ADAMTS12: variants seen among roughly 807,000 people sequenced by gnomAD.
ADAMTS12 encodes ADAM metallopeptidase with thrombospondin type 1 motif 12.
ADAMTS12 carries 118 observed loss-of-function variants against 167.8 expected under a neutral mutation model. The ratio of observed to expected loss-of-function variants is 0.70; its 90% confidence interval spans 0.61 to 0.82. The LOEUF is 0.82. Ranked by LOEUF, ADAMTS12 falls within the 40% of genes least tolerant of loss-of-function variation. The pLI, the probability that ADAMTS12 is intolerant of heterozygous loss-of-function variation, is 0.00. For missense variants in ADAMTS12, 1,916 were observed against 1,998.8 expected (o/e 0.96, Z 0.79); for synonymous variants, 704 against 716.9 (o/e 0.98, Z 0.29).
chr5:33,577,587 T>G (rs1350119576), intron 18 of ADAMTS12, among the ~76,000 whole-genome samples: 1 of 152,214 alleles, frequency 6.6e-6, no homozygotes, highest in East Asian at 1.9e-4. Context: ...AAATTCGGTA[T>G]AAGGAACCTT....
At chr5:33,775,096 T>G (rs1206959527) in intron 2 of ADAMTS12, among the ~76,000 whole-genome samples, 1 of 152,164 alleles carries the variant, frequency 6.6e-6, no homozygotes, top group African/African-American at 2.4e-5. Context: ...AAAGTCAATG[T>G]GACAGTGTTT....
chr5:33,836,713 G>T (rs1748541525), intron 2 of ADAMTS12, among the ~76,000 whole-genome samples: 1 of 152,124 alleles, frequency 6.6e-6, no homozygotes, highest in Non-Finnish European at 1.5e-5. Flanking sequence ...TGGCAGGGAA[G>T]CTGAGAACTG....
At chr5:33,595,008 A>G (rs549041590) in intron 17 of ADAMTS12, among the ~76,000 whole-genome samples, 2 of 152,298 alleles carry the variant, frequency 1.3e-5, no homozygotes, top group East Asian at 3.9e-4. Context: ...TGGACTCTGC[A>G]ACATAAATAC....
chr5:33,671,362 CTA>C (rs1741684543), intron 5 of ADAMTS12, among the ~76,000 whole-genome samples: 1 of 152,078 alleles, frequency 6.6e-6, no homozygotes, highest in South Asian at 2.1e-4. Context: ...AATTGTTGGA[CTA>C]TCACATTCTG....
intron 13 of ADAMTS12, 122 bp downstream of exon 13, chr5:33,630,658 T>C (rs1054764030): frequency 3.7e-6 from 4 of 1,069,200 alleles, no homozygotes; most frequent in Non-Finnish European, 5.3e-6. Context: ...TTTCATGAAC[T>C]ATATATAAAA....
chr5:33,705,961 T>G (rs1364019224), intron 3 of ADAMTS12, among the ~76,000 whole-genome samples: 1 of 152,000 alleles, frequency 6.6e-6, no homozygotes, highest in East Asian at 1.9e-4. Flanking sequence ...AAAACACTTA[T>G]GAAAGAAACT....
At chr5:33,845,354 C>T (rs190529837) in intron 2 of ADAMTS12, among the ~76,000 whole-genome samples, 1 of 152,244 alleles carries the variant, frequency 6.6e-6, no homozygotes, top group African/African-American at 2.4e-5. Flanking sequence ...TCCCAGAAAG[C>T]AAGAGCATAC....
intron 2 of ADAMTS12, among the ~76,000 whole-genome samples, chr5:33,859,294 T>C (rs561669085): frequency 3.5e-4 from 54 of 152,300 alleles, no homozygotes; most frequent in African/African-American, 1.3e-3. Context: ...CAGTCTGAAG[T>C]TGATCCGGGA....
intron 2 of ADAMTS12, among the ~76,000 whole-genome samples, chr5:33,848,222 A>G (rs1334539966): frequency 1.3e-5 from 2 of 152,082 alleles, no homozygotes; most frequent in Non-Finnish European, 2.9e-5. Context: ...GTTTAAAAAA[A>G]AAAAAAAGTG....
At chr5:33,685,758 T>C (rs10062990) in intron 3 of ADAMTS12, among the ~76,000 whole-genome samples, 76,022 of 152,020 alleles carry the variant, frequency 0.5, 20,261 homozygotes, top group East Asian at 0.75. Flanking sequence ...GCTGGAACCA[T>C]TTTCTAGTTT....
intron 6 of ADAMTS12, among the ~76,000 whole-genome samples, chr5:33,659,985 G>A (rs112510403): frequency 0.021 from 3,272 of 152,298 alleles, 136 homozygotes; most frequent in African/African-American, 0.075. Flanking sequence ...GAGCTTGGAG[G>A]AGAGTGCTAC....
At chr5:33,824,064 G>A (rs912641285) in intron 2 of ADAMTS12, among the ~76,000 whole-genome samples, 1 of 152,138 alleles carries the variant, frequency 6.6e-6, no homozygotes, top group South Asian at 2.1e-4. Context: ...AATTGTTAAA[G>A]AGTCCCAAGC....
rs34219097 is a variant in ADAMTS12, at chr5:33,654,874, TTGTGTGTGTGTGTGTG to T, written c.1190+3294_1190+3309del. On this transcript the variant is annotated intron_variant, in intron 7 of 23. Coordinates refer to ENST00000504830, the MANE Select transcript of ADAMTS12 (RefSeq NM_030955.4). The stretch of plus-strand genomic sequence containing the variant: ...AGAGAACAGGCGTATGTGGGTGATT[TTGTGTGTGTGTGTGTG>T]TGTGTGTGTGTGTGTGTGTGTATTT... Among the ~76,000 whole-genome samples, 6 of 141,668 alleles carry T rather than the reference TTGTGTGTGTGTGTGTG, an allele frequency of 4.2e-5. No homozygotes were observed. The East Asian group carries it at 1.1e-3, about 25-fold the overall frequency. The allele number at this position is 141,668 out of a possible 152,430, so 92.9% of individuals were successfully genotyped here.
At chr5:33,602,821 G>A (rs1031567865) in intron 16 of ADAMTS12, among the ~76,000 whole-genome samples, 6 of 152,154 alleles carry the variant, frequency 3.9e-5, no homozygotes, top group African/African-American at 7.2e-5. Context: ...TCTGCTCCAC[G>A]CTAATTTATT....
intron 3 of ADAMTS12, among the ~76,000 whole-genome samples, chr5:33,739,687 C>T (rs776011317): frequency 6.6e-6 from 1 of 152,208 alleles, no homozygotes; most frequent in African/African-American, 2.4e-5. Context: ...GACACATCCA[C>T]TCAGTCATGA....
At chr5:33,555,727 T>C (rs972316172) in intron 20 of ADAMTS12, among the ~76,000 whole-genome samples, 6 of 152,256 alleles carry the variant, frequency 3.9e-5, no homozygotes, top group Non-Finnish European at 8.8e-5. Flanking sequence ...AAGTATATAT[T>C]GGTGATTTAA....
At position 33,705,821 on chromosome 5, in the gene ADAMTS12, C is replaced by CAATAAT. The variant is rs138711243; in HGVS notation, c.635-21772_635-21767dup. On this transcript the variant is annotated intron_variant, in intron 3 of 23. Transcript: ENST00000504830. ...AAGACTCTGTTTCAAAAAATAATAA[C>CAATAAT]AATAATAATAATAATAATAAACTAG... Among the ~76,000 whole-genome samples, 8 of 151,226 alleles carry CAATAAT rather than the reference C, an allele frequency of 5.3e-5. No homozygotes were observed. The South Asian group carries it at 6.3e-4, about 12-fold the overall frequency.
At chr5:33,698,012 C>T (rs755556035) in intron 3 of ADAMTS12, among the ~76,000 whole-genome samples, 1 of 152,180 alleles carries the variant, frequency 6.6e-6, no homozygotes, top group Non-Finnish European at 1.5e-5. Flanking sequence ...AGCCTTACTT[C>T]TTAGGGTGGT....
At chr5:33,541,723 A>T (rs1378279422) in intron 22 of ADAMTS12, among the ~76,000 whole-genome samples, 1 of 152,224 alleles carries the variant, frequency 6.6e-6, no homozygotes, top group Non-Finnish European at 1.5e-5. Context: ...AGAATTTCAT[A>T]TACAACCAAA....
Sources: allele counts gnomAD v4.1 joint callset (sites outside exome capture counted in the v4.1 genomes callset), GRCh38; gene constraint gnomAD v4.1.1; transcripts MANE v1.5; gene names NCBI Gene and HGNC (gene_info 2026-07-23, HGNC 2026-07-21).